Variants in MLLT10 observed in about 807,000 individuals in gnomAD.
The protein encoded by MLLT10 is protein AF-10.
In MLLT10, 30 loss-of-function variants were observed where a neutral mutation model predicts 129.1. The observed-to-expected ratio is 0.23, with a 90% CI of 0.17 to 0.32. The LOEUF (loss-of-function observed/expected upper bound fraction) is 0.32, where lower values mean the gene tolerates loss of function less well. Ranked by LOEUF, MLLT10 falls within the 10% of genes least tolerant of loss-of-function variation. The pLI, the probability that MLLT10 is intolerant of heterozygous loss-of-function variation, is 1.00. For missense variants in MLLT10, 1,119 were observed against 1,268.3 expected (o/e 0.88, Z 1.79); for synonymous variants, 490 against 446.4 (o/e 1.10, Z -1.23).
intron 21 of MLLT10, among the ~76,000 whole-genome samples, chr10:21,737,012 A>T (rs2058423516): frequency 1.3e-5 from 2 of 152,166 alleles, no homozygotes; most frequent in African/African-American, 2.4e-5. Flanking sequence ...AAGGTGAAGG[A>T]AATGTTTCCA....
At chr10:21,551,867 C>A in intron 3 of MLLT10, 1 of 370,804 alleles carries the variant, frequency 2.7e-6, no homozygotes. Flanking sequence ...TGATCTCAGC[C>A]CACTGCAACC....
chr10:21,670,609 A>G lies in MLLT10; in HGVS notation c.956A>G (p.Lys319Arg), dbSNP rs369625728. ...ETRGSEGKGK[K>R]SSAHSSGQRG... Reference sequence around the variant, plus strand: ...AGAGGGTCAGAGGGCAAAGGGAAGAAATCTTCAGCTCACAGCTCAGGTCAA... The same window carrying G: ...AGAGGGTCAGAGGGCAAAGGGAAGAGATCTTCAGCTCACAGCTCAGGTCAA... Residue 319 changes from lysine to arginine, a missense_variant, in exon 10 of 23, where the codon AAA (lysine) becomes AGA (arginine). Physicochemically the swap from Lys to Arg is conservative, Grantham distance 26. Around this residue, in one of 5 missense-constraint regions of MLLT10, gnomAD observed 1,004 missense variants for 1,008.7 expected, o/e 1.00. Transcript: ENST00000307729. 7 of 1,614,204 alleles carry G rather than the reference A, an allele frequency of 4.3e-6. No individual in the cohort carries two copies. In the African/African-American group the frequency reaches 8.0e-5, roughly 18 times the overall value.
intron 9 of MLLT10, among the ~76,000 whole-genome samples, chr10:21,652,137 C>T (rs1418460900): frequency 1.3e-5 from 2 of 152,052 alleles, no homozygotes; most frequent in African/African-American, 4.8e-5. Flanking sequence ...TGGTCTCGAT[C>T]TCCTGACCTT....
intron 3 of MLLT10, among the ~76,000 whole-genome samples, chr10:21,574,890 C>T (rs138211935): frequency 6.6e-6 from 1 of 152,238 alleles, no homozygotes; most frequent in African/African-American, 2.4e-5. Flanking sequence ...GTTTTATCAG[C>T]AAGGTTTTTA....
rs763764525 is a variant in MLLT10 at position 21,713,818 on chromosome 10, A to G, written c.1746A>G (p.Val582=). 2.8e-5 allele frequency: 45 copies of G among 1,613,818 alleles called. No homozygotes were observed. The highest frequency in any genetic ancestry group is 3.6e-5 in the Non-Finnish European group (43 of 1,179,930). The change falls in exon 14 of 23, where the codon GTA becomes GTG. Residue 582 remains valine, a synonymous_variant. Coordinates refer to ENST00000307729, the MANE Select transcript of MLLT10 (RefSeq NM_001195626.3). ...TAGCAGTATCGTTTCCAAATGTAGT[A>G]TCTGGCTCGGGATCTAGTACTCCTG... The part of the protein sequence containing the change: ...NDVAVSFPNV[V]SGSGSSTPVS...
At chr10:21,547,633 G>T (rs114074062) in intron 3 of MLLT10, among the ~76,000 whole-genome samples, 4,199 of 151,748 alleles carry the variant, frequency 0.028, 200 homozygotes, top group African/African-American at 0.095. Flanking sequence ...TGATTCTCAT[G>T]GGTTCAGCGA....
intron 8 of MLLT10, among the ~76,000 whole-genome samples, chr10:21,636,393 G>C (rs2047461372): frequency 6.6e-6 from 1 of 152,066 alleles, no homozygotes; most frequent in Non-Finnish European, 1.5e-5. Flanking sequence ...TGGCCTACCA[G>C]TGTTACGATT....
chr10:21,694,621 G>A (rs941385792), intron 13 of MLLT10, among the ~76,000 whole-genome samples: 1 of 152,176 alleles, frequency 6.6e-6, no homozygotes, highest in Non-Finnish European at 1.5e-5. Context: ...GCCAGTGGGA[G>A]CCCCTTTGAG....
intron 4 of MLLT10, among the ~76,000 whole-genome samples, chr10:21,588,058 G>T (rs1359225585): frequency 1.3e-5 from 2 of 151,868 alleles, no homozygotes; most frequent in African/African-American, 2.4e-5. Context: ...TTGAGACTTT[G>T]CTTTTCTTTT....
chr10:21,738,804 TTTAGCATCC>T (rs2058594908), intron 21 of MLLT10, among the ~76,000 whole-genome samples: 1 of 152,182 alleles, frequency 6.6e-6, no homozygotes. Context: ...GTCATTCCTT[TTTAGCATCC>T]TTTCCTGGGT....
chr10:21,697,460 C>G (rs932597729), intron 13 of MLLT10, among the ~76,000 whole-genome samples: 4 of 152,164 alleles, frequency 2.6e-5, no homozygotes, highest in African/African-American at 9.7e-5. Flanking sequence ...GAGCAAGACT[C>G]CATCTGAAAA....
chr10:21,557,253 A>T, intron 3 of MLLT10: 1 of 956,284 alleles, frequency 1.0e-6, no homozygotes, highest in Non-Finnish European at 1.3e-6. Flanking sequence ...TATTATAAGT[A>T]ATAGTTTATG....
intron 3 of MLLT10, among the ~76,000 whole-genome samples, chr10:21,571,776 ATTCT>A (rs767540944): frequency 1.3e-5 from 2 of 152,118 alleles, no homozygotes; most frequent in Non-Finnish European, 2.9e-5. Flanking sequence ...AGCCTTTGCT[ATTCT>A]TTGTTTTCTT....
chr10:21,570,160 C>T (rs1415397875), intron 3 of MLLT10, among the ~76,000 whole-genome samples: 2 of 152,084 alleles, frequency 1.3e-5, no homozygotes, highest in Non-Finnish European at 2.9e-5. Flanking sequence ...CTGCCCACCT[C>T]GGCCTCCCAA....
chr10:21,717,008 G>A (rs2131526853), intron 14 of MLLT10, among the ~76,000 whole-genome samples: 1 of 152,072 alleles, frequency 6.6e-6, no homozygotes, highest in Admixed American at 6.5e-5. Context: ...TGTAATCCCA[G>A]CACTTTGGGA....
intron 21 of MLLT10, 104 bp from the exon 22 acceptor site, chr10:21,739,926 T>G: frequency 1.1e-6 from 1 of 883,610 alleles, no homozygotes; most frequent in South Asian, 1.8e-5. Flanking sequence ...TTTTCTTTCT[T>G]TGCAAATATC....
At chr10:21,546,078 A>G (rs1449373675) in intron 3 of MLLT10, among the ~76,000 whole-genome samples, 1 of 152,166 alleles carries the variant, frequency 6.6e-6, no homozygotes, top group Non-Finnish European at 1.5e-5. Flanking sequence ...TTTAAAAATT[A>G]AATTTAATTA....
chr10:21,558,081 C>T (rs1300042946), intron 3 of MLLT10, among the ~76,000 whole-genome samples: 1 of 150,928 alleles, frequency 6.6e-6, no homozygotes, highest in Non-Finnish European at 1.5e-5. Context: ...TCCCAAGTAG[C>T]TGGGATTACA....
At chr10:21,547,398 G>A (rs1259027156) in intron 3 of MLLT10, among the ~76,000 whole-genome samples, 3 of 134,664 alleles carry the variant, frequency 2.2e-5, no homozygotes, top group Non-Finnish European at 3.1e-5. Context: ...TTACTCTGCT[G>A]TTTTCTTTTT....
Sources: gnomAD v4.1 joint callset for allele counts (sites outside exome capture counted in the v4.1 genomes callset) on GRCh38, gnomAD v4.1.1 for gene constraint, gnomAD v4.1.1 regional missense constraint, MANE v1.5 for transcripts, NCBI Gene and HGNC (gene_info 2026-07-23, HGNC 2026-07-21) for gene names.